MYO10: variants seen among roughly 807,000 people sequenced by gnomAD.
The protein encoded by MYO10 is myosin X.
In MYO10, 133 loss-of-function variants were observed where a neutral mutation model predicts 257.3. That is an observed-to-expected ratio of 0.52 (90% confidence interval 0.45 to 0.60). MYO10 has a LOEUF of 0.60. MYO10 is among the 20% of genes least tolerant of loss of function. MYO10 has a pLI of 0.00. For missense variants in MYO10, 2,399 were observed against 2,635.7 expected (o/e 0.91, Z 1.97); for synonymous variants, 1,104 against 1,028.6 (o/e 1.07, Z -1.40).
intron 3 of MYO10, among the ~76,000 whole-genome samples, chr5:16,803,398 AG>A (rs1282488363): frequency 2.6e-5 from 4 of 152,190 alleles, no homozygotes; most frequent in Non-Finnish European, 5.9e-5. Context: ...ACCGCACTCC[AG>A]CCTGACAGAG....
At chr5:16,765,480 T>G (rs2126653299) in intron 11 of MYO10, among the ~76,000 whole-genome samples, 1 of 152,282 alleles carries the variant, frequency 6.6e-6, no homozygotes, top group Admixed American at 6.5e-5. Flanking sequence ...AAACTCCCCT[T>G]TATATCTATC....
At chr5:16,818,723 G>A (rs1473035435) in intron 2 of MYO10, among the ~76,000 whole-genome samples, 3 of 151,890 alleles carry the variant, frequency 2.0e-5, no homozygotes, top group African/African-American at 4.8e-5. Context: ...ACAGGCATGA[G>A]CCACAGAGCC....
At chr5:16,753,861 A>G (rs983474509) in intron 19 of MYO10, among the ~76,000 whole-genome samples, 6 of 152,342 alleles carry the variant, frequency 3.9e-5, no homozygotes, top group African/African-American at 1.4e-4. Context: ...ATTATAAAAG[A>G]TAAGATCCAG....
At chr5:16,711,721 GC>G (rs1466043632) in intron 19 of MYO10, among the ~76,000 whole-genome samples, 1 of 152,038 alleles carries the variant, frequency 6.6e-6, no homozygotes, top group Non-Finnish European at 1.5e-5. Flanking sequence ...GGCAGAGGTT[GC>G]AGTGATGGCG....
chr5:16,808,562 G>C (rs1423531725), intron 3 of MYO10, among the ~76,000 whole-genome samples: 4 of 152,174 alleles, frequency 2.6e-5, no homozygotes, highest in Non-Finnish European at 5.9e-5. Context: ...ACCATCTCAA[G>C]AGACAAGCTG....
intron 26 of MYO10, among the ~76,000 whole-genome samples, chr5:16,697,341 TG>T (rs1737797733): frequency 1.3e-5 from 2 of 150,574 alleles, no homozygotes; most frequent in African/African-American, 4.9e-5. Flanking sequence ...AGAAAAGACG[TG>T]GAAAAAAACG....
rs980133015 is a variant in MYO10 at position 16,666,365 on chromosome 5, C to T, written c.*327G>A. 8.1e-5 allele frequency: 20 copies of T among 247,948 alleles called. No homozygotes were observed. The highest frequency in any genetic ancestry group is 5.7e-4 in the East Asian group (7 of 12,300). The allele number at this position is 247,948 out of a possible 1,614,324, so 15.4% of individuals were successfully genotyped here. A position where few individuals can be genotyped will look rare whatever the true frequency, so the allele number is the denominator to read the frequency against. ...GCAGTTCCCTTCAGTAGCACAGTTACGGTCGATTAGTGTTGGTTCCACAAG... is the reference window on the plus strand; with the variant it reads ...GCAGTTCCCTTCAGTAGCACAGTTATGGTCGATTAGTGTTGGTTCCACAAG... On this transcript the variant is annotated 3_prime_UTR_variant, in exon 41 of 41. Coordinates refer to ENST00000513610, the MANE Select transcript of MYO10 (RefSeq NM_012334.3).
intron 3 of MYO10, among the ~76,000 whole-genome samples, chr5:16,797,615 C>T (rs76800088): frequency 0.021 from 3,128 of 152,276 alleles, 132 homozygotes; most frequent in East Asian, 0.19. Flanking sequence ...ATACCCACAC[C>T]ATGTAATATT....
chr5:16,695,382 C>T (rs999606293), intron 26 of MYO10, among the ~76,000 whole-genome samples: 2 of 152,056 alleles, frequency 1.3e-5, no homozygotes, highest in East Asian at 1.9e-4. Flanking sequence ...GGTCAATGTG[C>T]GAACAAGAAT....
intron 2 of MYO10, among the ~76,000 whole-genome samples, chr5:16,876,409 A>G (rs1744605551): frequency 6.6e-6 from 1 of 152,200 alleles, no homozygotes; most frequent in African/African-American, 2.4e-5. Context: ...GCTCCTATAA[A>G]CAGGAGAAAC....
intron 21 of MYO10, among the ~76,000 whole-genome samples, chr5:16,709,415 T>A (rs1174327840): frequency 6.6e-6 from 1 of 152,150 alleles, no homozygotes; most frequent in Non-Finnish European, 1.5e-5. Flanking sequence ...TGACGGGATA[T>A]CACTTCTGTG....
intron 1 of MYO10, among the ~76,000 whole-genome samples, chr5:16,889,421 T>C (rs1034333025): frequency 1.6e-5 from 2 of 123,408 alleles, no homozygotes; most frequent in African/African-American, 3.2e-5. Flanking sequence ...ACAGAAAGAC[T>C]GACAGAAAGA....
chr5:16,872,748 A>T (rs1009695974), intron 2 of MYO10, among the ~76,000 whole-genome samples: 2 of 152,182 alleles, frequency 1.3e-5, no homozygotes, highest in African/African-American at 4.8e-5. Context: ...GGCACTTCTT[A>T]CATGGTGGTG....
intron 33 of MYO10, among the ~76,000 whole-genome samples, chr5:16,678,677 T>C (rs1191041381): frequency 6.6e-6 from 1 of 152,200 alleles, no homozygotes; most frequent in East Asian, 1.9e-4. Flanking sequence ...GGAGGCCAAT[T>C]TGATTTTGAT....
In MYO10 at chr5:16,666,889, G is replaced by A. The variant is rs367997242; in HGVS notation, c.6076-96C>T. On this transcript the variant is annotated intron_variant, in intron 40 of 40. Coordinates refer to ENST00000513610, the MANE Select transcript of MYO10 (RefSeq NM_012334.3). ...CCAGACATTCCCTGGGCACCCTCCC[G>A]TAGCCTTCCATGCTAATCGACGGAT... 7.6e-5 allele frequency: 75 copies of A among 983,136 alleles called. No individual in the cohort carries two copies. In the East Asian group the frequency reaches 1.1e-3, roughly 15 times the overall value. 60.9% of individuals were successfully genotyped at this position (983,136 alleles called of 1,614,324 possible).
intron 9 of MYO10, among the ~76,000 whole-genome samples, chr5:16,775,315 T>G (rs1209728272): frequency 1.3e-5 from 2 of 152,220 alleles, no homozygotes; most frequent in Admixed American, 1.3e-4. Flanking sequence ...TTAATGTTTA[T>G]TGCGACCAAT....
chr5:16,718,041 T>G (rs1379841423), intron 19 of MYO10, among the ~76,000 whole-genome samples: 1 of 152,184 alleles, frequency 6.6e-6, no homozygotes. Flanking sequence ...GGCCCCGCAC[T>G]CGGAGCAGCC....
intron 19 of MYO10, among the ~76,000 whole-genome samples, chr5:16,744,991 G>A (rs1007184881): frequency 6.6e-6 from 1 of 152,172 alleles, no homozygotes; most frequent in Non-Finnish European, 1.5e-5. Context: ...CAAATGGCCA[G>A]AAGAAGAGCA....
chr5:16,674,782 G>T, intron 35 of MYO10, 71 bp downstream of exon 35: 1 of 1,544,912 alleles, frequency 6.5e-7, no homozygotes, highest in Non-Finnish European at 8.9e-7. Flanking sequence ...CTCTTTATCT[G>T]AACGAGGACC....
Sources: gnomAD v4.1 joint callset for allele counts (sites outside exome capture counted in the v4.1 genomes callset) on GRCh38, gnomAD v4.1.1 for gene constraint, MANE v1.5 for transcripts, NCBI Gene and HGNC (gene_info 2026-07-23, HGNC 2026-07-21) for gene names.